Variants in ZNF777 observed in about 807,000 individuals in gnomAD.
The protein encoded by ZNF777 is zinc finger protein 777.
ZNF777 carries 7 observed loss-of-function variants against 72.1 expected under a neutral mutation model. The observed-to-expected ratio is 0.10, with a 90% CI of 0.06 to 0.18. The LOEUF is 0.18. Among genes scored for constraint, ZNF777 ranks in the 10% least tolerant of loss-of-function variants. The pLI, the probability that ZNF777 is intolerant of heterozygous loss-of-function variation, is 1.00. For missense variants in ZNF777, 828 were observed against 1,128.6 expected, an observed-to-expected ratio of 0.73 and a Z score of 3.82; for synonymous variants, 545 against 483.5, an observed-to-expected ratio of 1.13 and a Z score of -1.67.
Position 149,431,888 on chromosome 7 carries a change from T to G in ZNF777, c.2384A>C (p.Glu795Ala). 6.2e-7 allele frequency: 1 copy of G among 1,605,444 alleles called. No individual in the cohort carries two copies. The highest frequency in any genetic ancestry group is 8.5e-7 in the Non-Finnish European group (1 of 1,178,874). The change falls in exon 6 of 6, where the codon GAG becomes GCG. Residue 795 changes from glutamate to alanine, a missense_variant. By Grantham distance (107) the Glu-to-Ala change is moderately radical. Around this residue, in one of 12 missense-constraint regions of ZNF777, gnomAD observed 49 missense variants for 135.8 expected, o/e 0.36. Transcript: ENST00000247930. ...KRFTQKHHLL[E>A]HQRAHTGERP... ...CTCGCCCGTGTGCGCGCGCTGGTGC[T>G]CCAGCAGGTGATGCTTCTGCGTGAA...
chr7:149,451,541 A>C (rs1799716556), intron 3 of ZNF777, among the ~76,000 whole-genome samples: 1 of 152,006 alleles, frequency 6.6e-6, no homozygotes, highest in African/African-American at 2.4e-5. Flanking sequence ...AAATGCAAAA[A>C]ATTAGCCAGG....
In ZNF777 at chr7:149,431,625, G is replaced by A. The variant is rs962787313; in HGVS notation, c.*151C>T. The A allele has an allele frequency of 1.2e-5, 10 of 819,296 alleles. No individual in the cohort carries two copies. Among genetic ancestry groups the A allele is most frequent in the African/African-American group, 7.3e-5 (4 of 54,670 alleles). 50.8% of individuals were successfully genotyped at this position (819,296 alleles called of 1,614,324 possible). A position where few individuals can be genotyped will look rare whatever the true frequency, so the allele number is the denominator to read the frequency against. ...AGGGACCTGGTCTCACTGCCCCCATGTCCTTGGGAGGAGGGACGAGAGGAG... is the reference window on the plus strand; with the variant it reads ...AGGGACCTGGTCTCACTGCCCCCATATCCTTGGGAGGAGGGACGAGAGGAG... On this transcript the variant is annotated 3_prime_UTR_variant, in exon 6 of 6. Coordinates refer to ENST00000247930, the MANE Select transcript of ZNF777 (RefSeq NM_015694.3).
In ZNF777 at chr7:149,432,514, C is replaced by G; in HGVS notation, c.1758G>C (p.Lys586Asn). Residue 586 changes from lysine to asparagine, a missense_variant, in exon 6 of 6, where the codon AAG becomes AAC. Physicochemically the swap from Lys to Asn is moderately conservative, Grantham distance 94. This residue lies in a region of ZNF777 where 100 missense variants were observed against 106.2 expected (regional missense o/e 0.94). Transcript: ENST00000247930. The part of the protein sequence containing the change: ...CAECEISFRH[K>N]QQLTLHQRIH... ...TGCGCTGGTGCAGCGTGAGCTGTTG[C>G]TTGTGCCGGAAGCTGATCTCGCATT... 6.2e-7 allele frequency: 1 copy of G among 1,613,896 alleles called. No individual in the cohort carries two copies.
At chr7:149,435,016 A>G (rs1799387503) in intron 5 of ZNF777, among the ~76,000 whole-genome samples, 3 of 152,236 alleles carry the variant, frequency 2.0e-5, no homozygotes, top group Non-Finnish European at 4.4e-5. Flanking sequence ...GGACTGCTCA[A>G]AAGGCAATAG....
At chr7:149,459,338 A>G (rs2116613807) in intron 1 of ZNF777, among the ~76,000 whole-genome samples, 1 of 152,290 alleles carries the variant, frequency 6.6e-6, no homozygotes, top group Non-Finnish European at 1.5e-5. Flanking sequence ...CTGAAGAGGA[A>G]CATCAGCCCC....
chr7:149,444,819 T>A (rs1799577098), intron 4 of ZNF777, among the ~76,000 whole-genome samples: 1 of 152,260 alleles, frequency 6.6e-6, no homozygotes. Flanking sequence ...TTTCCTTTGT[T>A]CTCAGTTGCT....
rs951018953 is a variant in ZNF777 at position 149,433,054 on chromosome 7, C to A, written c.1340-122G>T. The A allele has an allele frequency of 8.7e-6, 12 of 1,384,980 alleles. No homozygotes were observed. In the African/African-American group the frequency reaches 1.3e-4, roughly 15 times the overall value. The allele number at this position is 1,384,980 out of a possible 1,614,324, so 85.8% of individuals were successfully genotyped here. A position where few individuals can be genotyped will look rare whatever the true frequency, so the allele number is the denominator to read the frequency against. Reference sequence around the variant, plus strand: ...ATTGCATTATTGGCCCAAATTCCTTCTTTTGGGAAAAGTCCCCTCATTGCG... The same window carrying A: ...ATTGCATTATTGGCCCAAATTCCTTATTTTGGGAAAAGTCCCCTCATTGCG... On this transcript the variant is annotated intron_variant, in intron 5 of 5. Coordinates refer to ENST00000247930, the MANE Select transcript of ZNF777 (RefSeq NM_015694.3).
In ZNF777 at chr7:149,432,097, G is replaced by C; in HGVS notation, c.2175C>G (p.Pro725=). ...TCTCGCTGAAGCTCTTCTCGCACTC[G>C]GGGCACTTGAAGGGCCGCTCGCCTG... The part of the protein sequence containing the change: ...THTGERPFKC[P]ECEKSFSEKS... Residue 725 remains proline (P), a synonymous_variant, in exon 6 of 6, where the codon CCC becomes CCG. Transcript: ENST00000247930. 4 of 1,605,228 alleles carry C rather than the reference G, an allele frequency of 2.5e-6. No homozygotes were observed. The highest frequency in any genetic ancestry group is 3.4e-6 in the Non-Finnish European group (4 of 1,179,732).
chr7:149,447,496 GCCA>G (rs1485518663), intron 4 of ZNF777, among the ~76,000 whole-genome samples: 2 of 152,146 alleles, frequency 1.3e-5, no homozygotes, highest in East Asian at 3.9e-4. Flanking sequence ...AGGCCTGGGG[GCCA>G]CCCTTAGCAC....
chr7:149,436,962 G>C lies in ZNF777; in HGVS notation c.1088-136C>G. On this transcript the variant is annotated intron_variant, in intron 4 of 5. Coordinates refer to ENST00000247930, the MANE Select transcript of ZNF777 (RefSeq NM_015694.3). The surrounding 1 kb of genome is among the most constrained non-coding windows in gnomAD (Gnocchi z 5.0). ...AGACCCTGAAGAAATGTAATATTGAGTTGGAAATGAGTAGACACAGAATTT... is the reference window on the plus strand; with the variant it reads ...AGACCCTGAAGAAATGTAATATTGACTTGGAAATGAGTAGACACAGAATTT... 8.8e-7 allele frequency: 1 copy of C among 1,132,934 alleles called. No individual in the cohort carries two copies. Among genetic ancestry groups the C allele is most frequent in the Non-Finnish European group, 1.2e-6 (1 of 813,570 alleles). The allele number at this position is 1,132,934 out of a possible 1,614,324, so 70.2% of individuals were successfully genotyped here.
chr7:149,449,210 T>G (rs934907289), intron 4 of ZNF777, among the ~76,000 whole-genome samples: 1 of 152,178 alleles, frequency 6.6e-6, no homozygotes, highest in Non-Finnish European at 1.5e-5. Context: ...CAGCGGTACC[T>G]ATGTCCTCCC....
chr7:149,434,685 C>T (rs761889746), intron 5 of ZNF777, among the ~76,000 whole-genome samples: 7 of 152,066 alleles, frequency 4.6e-5, no homozygotes, highest in East Asian at 3.9e-4. Context: ...TGGGTTCAAG[C>T]GATTCTCGTG....
At chr7:149,441,184 G>C (rs1258587264) in intron 4 of ZNF777, among the ~76,000 whole-genome samples, 4 of 152,176 alleles carry the variant, frequency 2.6e-5, no homozygotes, top group Admixed American at 6.5e-5. Context: ...TCATTTATAA[G>C]CAGGAATTTG....
intron 1 of ZNF777, chr7:149,459,768 G>T (rs888160256): frequency 6.1e-6 from 6 of 984,994 alleles, no homozygotes; most frequent in Non-Finnish European, 7.2e-6. Context: ...GGCCGGGGAA[G>T]GCTCCGCGGG....
chr7:149,456,162 A>G lies in ZNF777; in HGVS notation c.-15-125T>C, dbSNP rs1043071316. The G allele has an allele frequency of 5.9e-6, 6 of 1,013,062 alleles. No homozygotes were observed. The Admixed American group carries it at 1.2e-4, about 20-fold the overall frequency. 62.8% of individuals were successfully genotyped at this position (1,013,062 alleles called of 1,614,324 possible). A position where few individuals can be genotyped will look rare whatever the true frequency, so the allele number is the denominator to read the frequency against. ...TTGGTAGCAATAATATGTGCCCCTC[A>G]TATGTGAATCTCTTCTAGAGACCAC... On this transcript the variant is annotated intron_variant, in intron 1 of 5. Coordinates refer to ENST00000247930, the MANE Select transcript of ZNF777 (RefSeq NM_015694.3).
intron 4 of ZNF777, among the ~76,000 whole-genome samples, chr7:149,444,149 C>T (rs1799568661): frequency 6.6e-6 from 1 of 152,182 alleles, no homozygotes; most frequent in African/African-American, 2.4e-5. Context: ...TGGATCAATA[C>T]TGGGTGTTTA....
In ZNF777 at chr7:149,432,972, C is replaced by A. The variant is rs754595163; in HGVS notation, c.1340-40G>T. 22 of 1,450,076 alleles carry A rather than the reference C, an allele frequency of 1.5e-5. No individual in the cohort carries two copies. In the African/African-American group the frequency reaches 2.9e-4, roughly 19 times the overall value. The allele number at this position is 1,450,076 out of a possible 1,614,324, so 89.8% of individuals were successfully genotyped here. A position where few individuals can be genotyped will look rare whatever the true frequency, so the allele number is the denominator to read the frequency against. On this transcript the variant is annotated intron_variant, in intron 5 of 5. Coordinates refer to ENST00000247930, the MANE Select transcript of ZNF777 (RefSeq NM_015694.3). ...GAGAGAGAAAGTCGTTAGCTGCTGC[C>A]TGGCGCCCCTAACCTACCTGGATGG...
intron 4 of ZNF777, among the ~76,000 whole-genome samples, chr7:149,449,466 C>A (rs576318947): frequency 8.7e-4 from 133 of 152,336 alleles, no homozygotes; most frequent in African/African-American, 3.0e-3. Context: ...GAAAGGGGAT[C>A]CATGCTCTTG....
chr7:149,450,094 G>A (rs576932131), intron 4 of ZNF777, among the ~76,000 whole-genome samples: 21 of 152,116 alleles, frequency 1.4e-4, no homozygotes, highest in African/African-American at 3.9e-4. Context: ...AGACATGATC[G>A]CCAGTAACTC....
Sources: gnomAD v4.1 joint callset for allele counts (sites outside exome capture counted in the v4.1 genomes callset) on GRCh38, gnomAD v4.1.1 for gene constraint, gnomAD v4.1.1 regional missense constraint, Gnocchi (gnomAD v3.1) non-coding constraint, MANE v1.5 for transcripts, NCBI Gene and HGNC (gene_info 2026-07-23, HGNC 2026-07-21) for gene names.